SYNE2: variants seen among roughly 807,000 people sequenced by gnomAD.
The protein encoded by SYNE2 is spectrin repeat containing nuclear envelope protein 2, also known as nesprin-2.
SYNE2 carries 431 observed loss-of-function variants against 856.3 expected under a neutral mutation model. That is an observed-to-expected ratio of 0.50 (90% CI 0.47 to 0.55). The LOEUF (loss-of-function observed/expected upper bound fraction) is 0.55. SYNE2 is among the 20% of genes least tolerant of loss of function. SYNE2 has a pLI of 0.00. For missense variants in SYNE2, 8,129 were observed against 8,023.2 expected (o/e 1.01, Z -0.50); for synonymous variants, 2,923 against 2,872.3 (o/e 1.02, Z -0.56).
intron 1 of SYNE2, among the ~76,000 whole-genome samples, chr14:63,860,085 G>A (rs1443785381): frequency 6.6e-5 from 10 of 151,790 alleles, no homozygotes; most frequent in Admixed American, 6.6e-4. Context: ...CTGCCTCTCT[G>A]GCCCAAGTGA....
chr14:64,205,747 A>G (rs1327085609), intron 100 of SYNE2, among the ~76,000 whole-genome samples: 1 of 152,166 alleles, frequency 6.6e-6, no homozygotes, highest in African/African-American at 2.4e-5. Flanking sequence ...AAGTAGTGGC[A>G]ATTTTGTGAC....
At chr14:64,099,812 A>G (rs1352780856) in intron 63 of SYNE2, 1 of 151,994 alleles carries the variant, frequency 6.6e-6, no homozygotes, top group East Asian at 1.9e-4. Context: ...GGTTAGTTAC[A>G]TATGCATACA....
At chr14:63,920,885 G>A (rs983662339) in intron 2 of SYNE2, among the ~76,000 whole-genome samples, 7 of 152,054 alleles carry the variant, frequency 4.6e-5, no homozygotes, top group Non-Finnish European at 8.8e-5. Context: ...AGGCAGAGGC[G>A]GGTGGATCAC....
rs377567458 is a variant in SYNE2 at position 63,917,086 on chromosome 14, C to A, written c.79+7859C>A. On this transcript the variant is annotated intron_variant, in intron 2 of 115. Transcript: ENST00000555002. ...GCTGGATGACAGAGTGAGACCCTGT[C>A]TTTAAAATAAATAATTAATTAATTT... 3.9e-5 allele frequency among the ~76,000 whole-genome samples: 6 copies of A among 151,932 alleles called. No individual in the cohort carries two copies. The South Asian group carries it at 1.2e-3, about 32-fold the overall frequency.
intron 21 of SYNE2, 124 bp from the exon 22 acceptor site, chr14:63,993,711 T>G (rs1698817807): frequency 1.2e-6 from 1 of 816,072 alleles, no homozygotes; most frequent in South Asian, 1.7e-5. Flanking sequence ...CTTCAGATAT[T>G]CTTCAGAGAG....
At chr14:63,960,290 G>A (rs779404123) in intron 8 of SYNE2, among the ~76,000 whole-genome samples, 6 of 152,178 alleles carry the variant, frequency 3.9e-5, no homozygotes, top group African/African-American at 1.4e-4. Flanking sequence ...GTTTGCAAAT[G>A]AATTGGATTT....
rs1265048163 is a variant in SYNE2, at chr14:64,119,681, G to A, written c.13023+72G>A. ...GCAGACCTGCCAGAAGAGAACTCTG[G>A]TTGGAAGTGATGAACCAGCTACAGA... On this transcript the variant is annotated intron_variant, in intron 67 of 115. Coordinates refer to ENST00000555002, the MANE Select transcript of SYNE2 (RefSeq NM_182914.3). 9 of 1,529,306 alleles carry A rather than the reference G, an allele frequency of 5.9e-6. No homozygotes were observed. The South Asian group carries it at 5.9e-5, about 10-fold the overall frequency. The allele number at this position is 1,529,306 out of a possible 1,614,324, so 94.7% of individuals were successfully genotyped here. A position where few individuals can be genotyped will look rare whatever the true frequency, so the allele number is the denominator to read the frequency against.
chr14:64,056,151 G>C lies in SYNE2; in HGVS notation c.9952G>C (p.Gly3318Arg). ...AHIQDLTEKL[G>R]MISSPEAKLQ... Reference sequence around the variant, plus strand: ...CATCCAGGACCTCACTGAGAAACTGGGAATGATATCCAGCCCCGAAGCCAA... The same window carrying C: ...CATCCAGGACCTCACTGAGAAACTGCGAATGATATCCAGCCCCGAAGCCAA... The change falls in exon 49 of 116, where the codon GGA (glycine) becomes CGA (arginine). Residue 3318 changes from glycine (G) to arginine (R), a missense_variant. Physicochemically the swap from Gly to Arg is moderately radical, Grantham distance 125 (BLOSUM62 -2). Transcript: ENST00000555002. 1 of 1,614,040 alleles carries C rather than the reference G, an allele frequency of 6.2e-7. No individual in the cohort carries two copies. The highest frequency in any genetic ancestry group is 8.5e-7 in the Non-Finnish European group (1 of 1,180,000).
chr14:64,217,703 TTG>T (rs1231953791), intron 108 of SYNE2, among the ~76,000 whole-genome samples: 4 of 152,234 alleles, frequency 2.6e-5, no homozygotes, highest in African/African-American at 9.6e-5. Flanking sequence ...AACCCTTTTG[TTG>T]TGTCTGAAGC....
intron 1 of SYNE2, among the ~76,000 whole-genome samples, chr14:63,777,213 G>GGGC (rs1887143336): frequency 1.3e-5 from 2 of 152,208 alleles, no homozygotes; most frequent in African/African-American, 4.8e-5. Context: ...ATTTGCCCTT[G>GGGC]ACTGCTATGA....
intron 70 of SYNE2, among the ~76,000 whole-genome samples, chr14:64,124,283 C>G (rs993684849): frequency 6.6e-6 from 1 of 152,064 alleles, no homozygotes; most frequent in Non-Finnish European, 1.5e-5. Context: ...GCTTTGAACT[C>G]CTGGGCTCAA....
intron 11 of SYNE2, among the ~76,000 whole-genome samples, chr14:63,974,892 G>GTATCTATATA (rs2096527541): frequency 1.5e-5 from 1 of 67,318 alleles, no homozygotes; most frequent in Non-Finnish European, 3.1e-5. Flanking sequence ...GTGTGTGTGT[G>GTATCTATATA]TATATATATA....
chr14:64,024,387 A>T lies in SYNE2; in HGVS notation c.5768A>T (p.Glu1923Val). The T allele has an allele frequency of 6.2e-7, 1 of 1,614,204 alleles. No individual in the cohort carries two copies. Among genetic ancestry groups the T allele is most frequent in the Non-Finnish European group, 8.5e-7 (1 of 1,180,020 alleles). Reference sequence around the variant, plus strand: ...AGTTGGCTCGTGGGTCAGGAATTCGAATTAGAAAAAATGGAGTCCATATGC... The same window carrying T: ...AGTTGGCTCGTGGGTCAGGAATTCGTATTAGAAAAAATGGAGTCCATATGC... ...LISWLVGQEF[E>V]LEKMESICQA... Residue 1923 changes from glutamate (E) to valine (V), a missense_variant, in exon 39 of 116, where the codon GAA (glutamate) becomes GTA (valine). By Grantham distance (121) the Glu-to-Val change is moderately radical. Coordinates refer to ENST00000555002, the MANE Select transcript of SYNE2 (RefSeq NM_182914.3).
chr14:63,842,432 C>G (rs193076080), intron 1 of SYNE2, among the ~76,000 whole-genome samples: 5 of 148,858 alleles, frequency 3.4e-5, no homozygotes, highest in African/African-American at 7.4e-5. Flanking sequence ...GATTACAGCA[C>G]TCGGCCCTTT....
intron 1 of SYNE2, among the ~76,000 whole-genome samples, chr14:63,781,933 A>G (rs556011443): frequency 6.6e-6 from 1 of 152,192 alleles, no homozygotes; most frequent in South Asian, 2.1e-4. Flanking sequence ...ACTTGAGTCC[A>G]GAAGCTGGAG....
At chr14:64,206,195 T>C (rs1410608762) in intron 100 of SYNE2, among the ~76,000 whole-genome samples, 1 of 152,204 alleles carries the variant, frequency 6.6e-6, no homozygotes, top group Non-Finnish European at 1.5e-5. Flanking sequence ...CTCCCCAACC[T>C]CAGGGTTATG....
At chr14:63,860,945 A>G (rs756676884) in intron 1 of SYNE2, among the ~76,000 whole-genome samples, 3 of 152,104 alleles carry the variant, frequency 2.0e-5, no homozygotes, top group Non-Finnish European at 4.4e-5. Flanking sequence ...AGTAGGGTCC[A>G]GGGACCAGGA....
chr14:64,185,911 C>T (rs964838538), intron 96 of SYNE2, among the ~76,000 whole-genome samples: 8 of 152,226 alleles, frequency 5.3e-5, no homozygotes, highest in South Asian at 4.2e-4. Context: ...TTTTTTCTTC[C>T]GTTATACTTA....
At position 64,158,436 on chromosome 14, in the gene SYNE2, C is replaced by T. The variant is rs190535457; in HGVS notation, c.15793-189C>T. On this transcript the variant is annotated intron_variant, in intron 85 of 115. Coordinates refer to ENST00000555002, the MANE Select transcript of SYNE2 (RefSeq NM_182914.3). ...TGATCTTTGGGCTCTTTTTCATTCA[C>T]TCATTATAAAACAGCCTTCTCTGAT... Among the ~76,000 whole-genome samples the T allele has an allele frequency of 2.2e-3, 340 of 152,296 alleles. 2 individuals are homozygous for T. The highest frequency in any genetic ancestry group is 2.5e-3 in the Non-Finnish European group (169 of 68,022).
Sources: gnomAD v4.1 joint callset for allele counts (sites outside exome capture counted in the v4.1 genomes callset) on GRCh38, gnomAD v4.1.1 for gene constraint, MANE v1.5 for transcripts, NCBI Gene and HGNC (gene_info 2026-07-23, HGNC 2026-07-21) for gene names.